The following PTPRD variants were observed in gnomAD, a reference collection of about 807,000 sequenced individuals.
The protein encoded by PTPRD is protein tyrosine phosphatase receptor type D, also known as receptor-type tyrosine-protein phosphatase delta.
Under a neutral mutation model 214.5 loss-of-function variants are expected in PTPRD, and 34 were observed. That is an observed-to-expected ratio of 0.16 (90% confidence interval 0.12 to 0.21). PTPRD has a LOEUF of 0.21. Ranked by LOEUF, PTPRD falls within the 10% of genes least tolerant of loss-of-function variation. The probability of loss-of-function intolerance (pLI) is 1.00; values close to 1 mark genes in which losing one functional copy is unlikely to be tolerated. For missense variants in PTPRD, 2,545 were observed against 2,398.7 expected (o/e 1.06, Z -1.27); for synonymous variants, 1,128 against 845.7 (o/e 1.33, Z -5.79).
chr9:9,128,683 T>C (rs1295946378), intron 10 of PTPRD, among the ~76,000 whole-genome samples: 1 of 152,238 alleles, frequency 6.6e-6, no homozygotes, highest in African/African-American at 2.4e-5. Flanking sequence ...ATGACATTCA[T>C]GCCTATCAAA....
chr9:10,505,484 C>T (rs1407405), intron 2 of PTPRD, among the ~76,000 whole-genome samples: 2,153 of 152,246 alleles, frequency 0.014, 174 homozygotes, highest in Admixed American at 0.12. Flanking sequence ...CAAACAGCTA[C>T]GAAGCTCTCA....
intron 11 of PTPRD, among the ~76,000 whole-genome samples, chr9:8,922,687 T>A (rs1283182176): frequency 6.6e-6 from 1 of 152,040 alleles, no homozygotes; most frequent in Non-Finnish European, 1.5e-5. Flanking sequence ...TGATGCTCTG[T>A]CTGCACTGGA....
intron 9 of PTPRD, among the ~76,000 whole-genome samples, chr9:9,267,888 A>C (rs1270024537): frequency 6.6e-6 from 1 of 151,250 alleles, no homozygotes; most frequent in Non-Finnish European, 1.5e-5. Flanking sequence ...CAACATTATA[A>C]AGGCTGTATT....
At chr9:10,162,794 C>T (rs1229992813) in intron 3 of PTPRD, among the ~76,000 whole-genome samples, 1 of 148,464 alleles carries the variant, frequency 6.7e-6, no homozygotes, top group Non-Finnish European at 1.5e-5. Context: ...GATCACCCCT[C>T]AATATTGTAT....
intron 11 of PTPRD, among the ~76,000 whole-genome samples, chr9:8,760,552 G>C (rs1215366356): frequency 6.6e-6 from 1 of 151,870 alleles, no homozygotes; most frequent in Admixed American, 6.6e-5. Flanking sequence ...TGTGGAAATG[G>C]AGAACTCAGT....
chr9:10,492,704 G>A (rs2040730925), intron 2 of PTPRD, among the ~76,000 whole-genome samples: 1 of 152,078 alleles, frequency 6.6e-6, no homozygotes, highest in African/African-American at 2.4e-5. Context: ...ATGTGCAGAA[G>A]CTCTTTACTT....
At chr9:9,890,434 AGCAATCTG>A (rs1304170211) in intron 5 of PTPRD, among the ~76,000 whole-genome samples, 1 of 151,992 alleles carries the variant, frequency 6.6e-6, no homozygotes, top group Non-Finnish European at 1.5e-5. Flanking sequence ...CCTAGACTCA[AGCAATCTG>A]CCTGCCTTGG....
At chr9:10,162,537 C>T (rs894285512) in intron 3 of PTPRD, among the ~76,000 whole-genome samples, 16 of 149,988 alleles carry the variant, frequency 1.1e-4, no homozygotes, top group Non-Finnish European at 2.4e-4. Flanking sequence ...TTTCCAAAGG[C>T]CAGAAAGGGT....
chr9:10,380,947 T>G (rs948202442), intron 2 of PTPRD, among the ~76,000 whole-genome samples: 3 of 152,008 alleles, frequency 2.0e-5, no homozygotes, highest in African/African-American at 7.2e-5. Context: ...ACAGGTATAT[T>G]TCACACTTAG....
intron 9 of PTPRD, among the ~76,000 whole-genome samples, chr9:9,288,162 T>A (rs1950080926): frequency 1.3e-5 from 2 of 151,892 alleles, no homozygotes; most frequent in East Asian, 1.9e-4. Context: ...ATAAAAGGAA[T>A]GTTTTATAAA....
chr9:8,394,174 C>G (rs1255246934), intron 36 of PTPRD, among the ~76,000 whole-genome samples: 11 of 143,510 alleles, frequency 7.7e-5, no homozygotes, highest in Non-Finnish European at 9.4e-5. Flanking sequence ...TTAAAACCAC[C>G]AAGAAGAAAA....
intron 3 of PTPRD, among the ~76,000 whole-genome samples, chr9:10,094,932 T>C (rs1034499088): frequency 1.3e-5 from 2 of 151,482 alleles, no homozygotes; most frequent in Non-Finnish European, 3.0e-5. Flanking sequence ...TTGTTTTCCA[T>C]TCTCACATAA....
chr9:9,961,779 A>C (rs2094384204), intron 4 of PTPRD, among the ~76,000 whole-genome samples: 1 of 152,140 alleles, frequency 6.6e-6, no homozygotes, highest in South Asian at 2.1e-4. Flanking sequence ...CAATTATAAA[A>C]ATGTAACTAC....
intron 8 of PTPRD, among the ~76,000 whole-genome samples, chr9:9,432,084 AT>A (rs2083412186): frequency 7.0e-6 from 1 of 142,134 alleles, no homozygotes; most frequent in South Asian, 2.3e-4. Context: ...AATAATAATA[AT>A]AATAAAAGAA....
intron 2 of PTPRD, among the ~76,000 whole-genome samples, chr9:10,522,330 A>G (rs1046190556): frequency 1.8e-4 from 28 of 152,186 alleles, no homozygotes; most frequent in African/African-American, 6.5e-4. Context: ...TGGTGTGGAC[A>G]TCACAAGCGT....
intron 3 of PTPRD, among the ~76,000 whole-genome samples, chr9:10,181,504 CTTT>C (rs921157084): frequency 1.3e-5 from 2 of 150,774 alleles, no homozygotes. Context: ...CCAACACTAA[CTTT>C]TTTTTTAAGA....
intron 5 of PTPRD, among the ~76,000 whole-genome samples, chr9:9,878,666 T>G (rs993382235): frequency 1.3e-5 from 2 of 152,162 alleles, no homozygotes; most frequent in African/African-American, 4.8e-5. Flanking sequence ...CATTTTCAAA[T>G]AGCATTGTTA....
At chr9:10,471,226 C>T (rs2099029125) in intron 2 of PTPRD, among the ~76,000 whole-genome samples, 1 of 152,134 alleles carries the variant, frequency 6.6e-6, no homozygotes, top group East Asian at 1.9e-4. Context: ...AGCAAACCAC[C>T]ATGGCATGTG....
At chr9:8,809,853 C>A (rs567195617) in intron 11 of PTPRD, among the ~76,000 whole-genome samples, 1 of 152,284 alleles carries the variant, frequency 6.6e-6, no homozygotes, top group East Asian at 1.9e-4. Context: ...AGCCTTTATT[C>A]TTCACCAGGA....
Sources: gnomAD v4.1 joint callset for allele counts (sites outside exome capture counted in the v4.1 genomes callset) on GRCh38, gnomAD v4.1.1 for gene constraint, MANE v1.5 for transcripts, NCBI Gene and HGNC (gene_info 2026-07-23, HGNC 2026-07-21) for gene names.